LYPD2: variants seen among roughly 807,000 people sequenced by gnomAD.
LYPD2 encodes LY6/PLAUR domain containing 2.
In LYPD2, 5 loss-of-function variants were observed where a neutral mutation model predicts 7.1. That is an observed-to-expected ratio of 0.70 (90% CI 0.37 to 1.48). LYPD2 has a LOEUF of 1.48. Ranked by LOEUF, LYPD2 falls within the 40% of genes most tolerant of loss-of-function variation. The probability of loss-of-function intolerance (pLI) is 0.03; values close to 1 mark genes in which losing one functional copy is unlikely to be tolerated. For synonymous variants in LYPD2, 78 were observed against 82.0 expected, an observed-to-expected ratio of 0.95 and a Z score of 0.26; for missense variants, 177 against 171.0, an observed-to-expected ratio of 1.04 and a Z score of -0.20.
rs1240756422 is a variant in LYPD2, at chr8:142,750,934, A to C, written c.178+117T>G. ...GGGCTGGAGGTGGCTCTGACCGGGA[A>C]CCCAGCCCTGCCCGCCTTCCGTGCT... On this transcript the variant is annotated intron_variant, in intron 2 of 2. Transcript: ENST00000359228. The C allele has an allele frequency of 6.5e-6, 10 of 1,546,178 alleles. No homozygotes were observed. The African/African-American group carries it at 1.1e-4, about 17-fold the overall frequency.
At chr8:142,751,804 T>C (rs1306004171) in intron 1 of LYPD2, among the ~76,000 whole-genome samples, 5 of 152,122 alleles carry the variant, frequency 3.3e-5, no homozygotes, top group African/African-American at 1.2e-4. Context: ...GCTGCACAGC[T>C]AGGCCCGACT....
Position 142,750,183 on chromosome 8 carries a change from T to G in LYPD2, c.*100A>C. The G allele has an allele frequency of 2.9e-6, 3 of 1,021,498 alleles. No homozygotes were observed. The highest frequency in any genetic ancestry group is 2.9e-6 in the Non-Finnish European group (2 of 688,286). The allele number at this position is 1,021,498 out of a possible 1,614,324, so 63.3% of individuals were successfully genotyped here. On this transcript the variant is annotated 3_prime_UTR_variant, in exon 3 of 3. Transcript: ENST00000359228. ...GAGGTCAGAGATGCAGCAGGGCAGG[T>G]CTGTGCCCAGAAAGGAGACTCAGGA...
Position 142,752,372 on chromosome 8 carries a change from C to T in LYPD2, c.58+22G>A. 3 of 1,613,292 alleles carry T rather than the reference C, an allele frequency of 1.9e-6. No homozygotes were observed. In the South Asian group the frequency reaches 3.3e-5, roughly 18 times the overall value. On this transcript the variant is annotated intron_variant, in intron 1 of 2. Coordinates refer to ENST00000359228, the MANE Select transcript of LYPD2 (RefSeq NM_205545.3). The stretch of plus-strand genomic sequence containing the variant: ...GTGGCATCTCCCTCCGTCCCAGCTC[C>T]CCTGTGGGTCCCACACCTCACCCAG...
In LYPD2 at chr8:142,751,128, A is replaced by C; in HGVS notation, c.101T>G (p.Val34Gly). Residue 34 changes from valine to glycine, a missense_variant, in exon 2 of 3, where the codon GTG (valine) becomes GGG (glycine). Coordinates refer to ENST00000359228, the MANE Select transcript of LYPD2 (RefSeq NM_205545.3). ...GGTGGCGATGGTGACACAGTCCGAC[A>C]CTCCTGTGGGCTCCGGACAGACGTA... ...RCYVCPEPTGVSDCVTIATCT... is the reference protein window; with the variant it reads ...RCYVCPEPTGGSDCVTIATCT... 6.2e-7 allele frequency: 1 copy of C among 1,613,970 alleles called. No individual in the cohort carries two copies. Among genetic ancestry groups the C allele is most frequent in the Non-Finnish European group, 8.5e-7 (1 of 1,179,990 alleles).
In LYPD2 at chr8:142,750,391, G is replaced by C. The variant is rs759820542; in HGVS notation, c.270C>G (p.Pro90=). ...SDVDGIGQTL[P]VSCCNTELCN... Reference sequence around the variant, plus strand: ...ACAGCTCAGTATTGCAGCAGGACACGGGCAGGGTCTGGCCGATGCCATCCA... The same window carrying C: ...ACAGCTCAGTATTGCAGCAGGACACCGGCAGGGTCTGGCCGATGCCATCCA... The change falls in exon 3 of 3, where the codon CCC becomes CCG. Residue 90 remains proline (P), a synonymous_variant. Transcript: ENST00000359228. 13 of 1,577,768 alleles carry C rather than the reference G, an allele frequency of 8.2e-6. No homozygotes were observed. Among genetic ancestry groups the C allele is most frequent in the South Asian group, 1.2e-5 (1 of 85,888 alleles).
chr8:142,752,262 AC>A, intron 1 of LYPD2, 131 bp downstream of exon 1: 5 of 854,890 alleles, frequency 5.8e-6, no homozygotes, highest in Non-Finnish European at 8.4e-6. Context: ...GGGGGGCCAC[AC>A]CCCCGGCCCC....
At chr8:142,752,316 G>A (rs1391353689) in intron 1 of LYPD2, 78 bp downstream of exon 1, 6 of 1,545,114 alleles carry the variant, frequency 3.9e-6, no homozygotes, top group East Asian at 4.6e-5. Flanking sequence ...TTCCTGGGGC[G>A]CCCTCCCGGG....
intron 1 of LYPD2, among the ~76,000 whole-genome samples, chr8:142,751,473 C>T (rs1375474755): frequency 6.6e-6 from 1 of 152,182 alleles, no homozygotes; most frequent in Non-Finnish European, 1.5e-5. Flanking sequence ...GACCAAGGCC[C>T]TGGCATCTTC....
intron 1 of LYPD2, 62 bp downstream of exon 1, chr8:142,752,332 T>G: frequency 6.3e-7 from 1 of 1,598,308 alleles, no homozygotes; most frequent in Non-Finnish European, 8.6e-7. Context: ...CCGGGAACAG[T>G]GTGAATGTCA....
chr8:142,752,324 G>C, intron 1 of LYPD2, 70 bp downstream of exon 1: 1 of 1,586,472 alleles, frequency 6.3e-7, no homozygotes, highest in Admixed American at 1.7e-5. Context: ...GCGCCCTCCC[G>C]GGAACAGTGT....
At chr8:142,750,529 C>A in intron 2 of LYPD2, 47 bp from the exon 3 acceptor site, 1 of 1,535,138 alleles carries the variant, frequency 6.5e-7, no homozygotes, top group Non-Finnish European at 8.8e-7. Context: ...TCACTGCCTC[C>A]AAGCCCTGGT....
intron 2 of LYPD2, 96 bp downstream of exon 2, chr8:142,750,955 G>A (rs10808680): frequency 0.19 from 303,051 of 1,576,538 alleles, 30,933 homozygotes; most frequent in East Asian, 0.38. Context: ...CCCGCCTTCC[G>A]TGCTCACTGC....
At chr8:142,752,328 A>T (rs1283420305) in intron 1 of LYPD2, 66 bp downstream of exon 1, 1 of 1,587,294 alleles carries the variant, frequency 6.3e-7, no homozygotes, top group East Asian at 2.2e-5. Context: ...CCTCCCGGGA[A>T]CAGTGTGAAT....
In LYPD2 at chr8:142,752,496, C is replaced by T. The variant is rs376058064; in HGVS notation, c.-45G>A. 5.4e-4 allele frequency: 867 copies of T among 1,606,290 alleles called. 2 individuals carry two copies. Among genetic ancestry groups the T allele is most frequent in the Non-Finnish European group, 4.8e-4 (559 of 1,174,844 alleles). ...GTGCTCTCACCCCAGGCTTGCCTGG[C>T]GGGGACAGCAGACACCAAGTGAGGT... On this transcript the variant is annotated 5_prime_UTR_variant, in exon 1 of 3. Transcript: ENST00000359228.
rs755317530 is a variant in LYPD2 at position 142,750,287 on chromosome 8, A to T, written c.374T>A (p.Leu125Gln). The T allele has an allele frequency of 3.9e-6, 6 of 1,551,400 alleles. No individual in the cohort carries two copies. In the East Asian group the frequency reaches 9.8e-5, roughly 25 times the overall value. The part of the protein sequence containing the change: ...LTLLPLLSLR[L>Q] The stretch of plus-strand genomic sequence containing the variant: ...CCATGGGGGTGGGCGGGGACTCTAC[A>T]GTCGGAGGCTCAAGAGTGGGAGGAG... Residue 125 changes from leucine to glutamine, a missense_variant, in exon 3 of 3, where the codon CTG (leucine) becomes CAG (glutamine). Transcript: ENST00000359228.
rs1262579750 is a variant in LYPD2, at chr8:142,752,393, C to A, written c.58+1G>T. On this transcript the variant is annotated splice_donor_variant, in intron 1 of 2. Transcript: ENST00000359228. LOFTEE classifies it high-confidence loss of function. ...GCTCCCCTGTGGGTCCCACACCTCA[C>A]CCAGCTCTCCGCAGGCAGCCAGCAC... is the stretch of plus-strand genomic sequence containing the variant. The A allele has an allele frequency of 6.8e-6, 11 of 1,613,392 alleles. No homozygotes were observed. The Admixed American group carries it at 1.2e-4, about 17-fold the overall frequency.
At position 142,750,182 on chromosome 8, in the gene LYPD2, G is replaced by A. The variant is rs947861113; in HGVS notation, c.*101C>T. The A allele has an allele frequency of 4.9e-6, 5 of 1,012,680 alleles. No homozygotes were observed. The highest frequency in any genetic ancestry group is 7.3e-6 in the Non-Finnish European group (5 of 680,530). 62.7% of individuals were successfully genotyped at this position (1,012,680 alleles called of 1,614,324 possible). On this transcript the variant is annotated 3_prime_UTR_variant, in exon 3 of 3. Coordinates refer to ENST00000359228, the MANE Select transcript of LYPD2 (RefSeq NM_205545.3). ...CGAGGTCAGAGATGCAGCAGGGCAG[G>A]TCTGTGCCCAGAAAGGAGACTCAGG... is the stretch of plus-strand genomic sequence containing the variant.
At chr8:142,751,989 C>T (rs1470032796) in intron 1 of LYPD2, among the ~76,000 whole-genome samples, 3 of 152,088 alleles carry the variant, frequency 2.0e-5, no homozygotes, top group Admixed American at 1.3e-4. Context: ...GTCACCCCAC[C>T]CCATGTGTCT....
chr8:142,751,090 C>T lies in LYPD2; in HGVS notation c.139G>A (p.Glu47Lys), dbSNP rs145933616. 1.6e-4 allele frequency: 264 copies of T among 1,614,160 alleles called. 2 individuals carry two copies. The East Asian group carries it at 5.5e-3, about 34-fold the overall frequency. The change falls in exon 2 of 3, where the codon GAA becomes AAA. Residue 47 changes from glutamate to lysine, a missense_variant. Coordinates refer to ENST00000359228, the MANE Select transcript of LYPD2 (RefSeq NM_205545.3). Reference sequence around the variant, plus strand: ...TAGAGTGTGGTCTTGCACATGGTTTCGTTGGTGGTGCAGGTGGCGATGGTG... The same window carrying T: ...TAGAGTGTGGTCTTGCACATGGTTTTGTTGGTGGTGCAGGTGGCGATGGTG... ...CVTIATCTTNETMCKTTLYSR... is the reference protein window; with the variant it reads ...CVTIATCTTNKTMCKTTLYSR...
Sources: gnomAD v4.1 joint callset for allele counts (sites outside exome capture counted in the v4.1 genomes callset) on GRCh38, gnomAD v4.1.1 for gene constraint, MANE v1.5 for transcripts, NCBI Gene and HGNC (gene_info 2026-07-23, HGNC 2026-07-21) for gene names.